The following NCMAP variants were observed in gnomAD, a reference collection of about 807,000 sequenced individuals.
NCMAP encodes the protein noncompact myelin-associated protein.
Under a neutral mutation model 7.8 loss-of-function variants are expected in NCMAP, and 8 were observed. That is an observed-to-expected ratio of 1.02 (90% CI 0.60 to 1.84). The LOEUF (loss-of-function observed/expected upper bound fraction) is 1.84. NCMAP is among the 40% of genes most tolerant of loss of function. The pLI is 0.00. For missense variants in NCMAP, 112 were observed against 131.4 expected (o/e 0.85, Z 0.72); for synonymous variants, 41 against 52.9 (o/e 0.78, Z 0.98).
At chr1:24,571,143 C>T (rs1651378071) in intron 1 of NCMAP, among the ~76,000 whole-genome samples, 1 of 150,550 alleles carries the variant, frequency 6.6e-6, no homozygotes, top group Non-Finnish European at 1.5e-5. Flanking sequence ...TAATGTGAGC[C>T]ACATATGTTA....
chr1:24,602,518 G>C (rs931279375), intron 3 of NCMAP, among the ~76,000 whole-genome samples: 2 of 121,218 alleles, frequency 1.6e-5, no homozygotes. Context: ...TGCAGTGAGC[G>C]GAGATCGCGC....
intron 1 of NCMAP, among the ~76,000 whole-genome samples, chr1:24,575,308 A>C (rs1433200201): frequency 6.6e-6 from 1 of 152,168 alleles, no homozygotes; most frequent in Non-Finnish European, 1.5e-5. Context: ...GGGTTGGAAA[A>C]AAAATAAAAT....
intron 1 of NCMAP, among the ~76,000 whole-genome samples, chr1:24,590,653 T>C (rs1652018821): frequency 6.6e-6 from 1 of 152,170 alleles, no homozygotes; most frequent in East Asian, 1.9e-4. Flanking sequence ...CAAGCTGGAA[T>C]GCAATGGTGC....
chr1:24,567,814 A>G (rs999209589), intron 1 of NCMAP, among the ~76,000 whole-genome samples: 2 of 152,176 alleles, frequency 1.3e-5, no homozygotes, highest in Non-Finnish European at 2.9e-5. Flanking sequence ...GGAAAACTCA[A>G]TAGTCTCAAG....
At chr1:24,600,887 T>C (rs1570540947) in intron 2 of NCMAP, 53 bp from the exon 3 acceptor site, 22 of 1,547,658 alleles carry the variant, frequency 1.4e-5, no homozygotes, top group Non-Finnish European at 2.0e-5. Flanking sequence ...GGCGCCCTCC[T>C]GGTCTGCGTT....
At chr1:24,560,610 G>C (rs189602790) in intron 1 of NCMAP, among the ~76,000 whole-genome samples, 1 of 152,146 alleles carries the variant, frequency 6.6e-6, no homozygotes, top group African/African-American at 2.4e-5. Context: ...CAGGTGTGGT[G>C]TTGTGCACCT....
intron 1 of NCMAP, among the ~76,000 whole-genome samples, chr1:24,584,130 C>T (rs1438570843): frequency 6.6e-6 from 1 of 152,114 alleles, no homozygotes; most frequent in Non-Finnish European, 1.5e-5. Context: ...TAACCCTGTG[C>T]CCTCCCCCCG....
intron 1 of NCMAP, among the ~76,000 whole-genome samples, chr1:24,561,731 T>G (rs916743524): frequency 2.6e-5 from 4 of 152,130 alleles, no homozygotes; most frequent in Non-Finnish European, 4.4e-5. Context: ...GCCAACATAG[T>G]GAAACCCTGT....
chr1:24,602,926 G>C (rs1333697606), intron 3 of NCMAP, among the ~76,000 whole-genome samples: 2 of 151,922 alleles, frequency 1.3e-5, no homozygotes, highest in East Asian at 1.9e-4. Flanking sequence ...TGTAATCCCA[G>C]CTACTTGGGA....
intron 1 of NCMAP, among the ~76,000 whole-genome samples, chr1:24,556,392 C>T (rs1426707161): frequency 6.6e-6 from 1 of 152,202 alleles, no homozygotes; most frequent in African/African-American, 2.4e-5. Context: ...GGAGGCTGAT[C>T]ATCTCCAGTG....
At chr1:24,583,511 C>T (rs1020843994) in intron 1 of NCMAP, among the ~76,000 whole-genome samples, 6 of 152,032 alleles carry the variant, frequency 3.9e-5, no homozygotes, top group Non-Finnish European at 7.4e-5. Context: ...GTCAGGAGTT[C>T]GAGACCAGCC....
intron 1 of NCMAP, among the ~76,000 whole-genome samples, chr1:24,569,175 G>C (rs977814414): frequency 1.3e-5 from 2 of 151,880 alleles, no homozygotes; most frequent in African/African-American, 4.8e-5. Context: ...TGTATTTTTA[G>C]TAGAGACGGG....
chr1:24,559,420 A>G (rs1425350404), intron 1 of NCMAP, among the ~76,000 whole-genome samples: 1 of 152,170 alleles, frequency 6.6e-6, no homozygotes, highest in African/African-American at 2.4e-5. Flanking sequence ...AAAGGGGCTG[A>G]GCCAAGAAAA....
In NCMAP at chr1:24,605,581, C is replaced by T. The variant is rs757757346; in HGVS notation, c.168-25C>T. ...GCGGCATACCAGGGGAAAGACTCAA[C>T]CATGTGCACATTATCTCCCTACAGG... On this transcript the variant is annotated intron_variant, in intron 3 of 3. Coordinates refer to ENST00000374392, the MANE Select transcript of NCMAP (RefSeq NM_001010980.5). The T allele has an allele frequency of 2.5e-6, 4 of 1,612,790 alleles. No individual in the cohort carries two copies. The Admixed American group carries it at 6.7e-5, about 27-fold the overall frequency.
In NCMAP at chr1:24,608,353, T is replaced by C. The variant is rs72870709; in HGVS notation, c.*2606T>C. The C allele has an allele frequency of 0.055, 8,312 of 152,160 alleles. 779 individuals are homozygous for C. The highest frequency in any genetic ancestry group is 0.19 in the African/African-American group (7,871 of 41,432). The allele number at this position is 152,160 out of a possible 1,614,324, so 9.4% of individuals were successfully genotyped here. ...GTACGGGTTTGTCCATGTGTTTGAG[T>C]AGAGATCAGGGTTCTGGCTTCCAGG... On this transcript the variant is annotated 3_prime_UTR_variant, in exon 4 of 4. Transcript: ENST00000374392.
chr1:24,564,933 A>G (rs1185410958), intron 1 of NCMAP, among the ~76,000 whole-genome samples: 2 of 152,220 alleles, frequency 1.3e-5, no homozygotes, highest in East Asian at 1.9e-4. Context: ...CCAATTTGTC[A>G]TTCAAACATG....
Position 24,603,631 on chromosome 1 carries a change from A to G in NCMAP, c.168-1975A>G, listed in dbSNP as rs551475861. Among the ~76,000 whole-genome samples, 4 of 152,316 alleles carry G rather than the reference A, an allele frequency of 2.6e-5. No individual in the cohort carries two copies. In the South Asian group the frequency reaches 8.3e-4, roughly 32 times the overall value. ...AACCTCCTCCTGCCTGTATGTTGTCATGTTTAAAATGAAGAGTCTCAAAGC... is the reference window on the plus strand; with the variant it reads ...AACCTCCTCCTGCCTGTATGTTGTCGTGTTTAAAATGAAGAGTCTCAAAGC... On this transcript the variant is annotated intron_variant, in intron 3 of 3. Coordinates refer to ENST00000374392, the MANE Select transcript of NCMAP (RefSeq NM_001010980.5).
At chr1:24,587,194 G>T (rs1473626866) in intron 1 of NCMAP, among the ~76,000 whole-genome samples, 1 of 152,106 alleles carries the variant, frequency 6.6e-6, no homozygotes, top group Non-Finnish European at 1.5e-5. Context: ...TCATTCTTAG[G>T]GGAGTCCTTG....
At chr1:24,580,078 G>A (rs1360804100) in intron 1 of NCMAP, among the ~76,000 whole-genome samples, 2 of 152,144 alleles carry the variant, frequency 1.3e-5, no homozygotes, top group Admixed American at 6.5e-5. Context: ...CAGAGCTGCC[G>A]GTGCTGCTGA....
Sources: gnomAD v4.1 joint callset for allele counts (sites outside exome capture counted in the v4.1 genomes callset) on GRCh38, gnomAD v4.1.1 for gene constraint, MANE v1.5 for transcripts, NCBI Gene and HGNC (gene_info 2026-07-23, HGNC 2026-07-21) for gene names.